ENTPD4: variants seen among roughly 807,000 people sequenced by gnomAD.
ENTPD4 encodes the protein Golgi UDPase.
Under a neutral mutation model 79.1 loss-of-function variants are expected in ENTPD4, and 60 were observed. That is an observed-to-expected ratio of 0.76 (90% confidence interval 0.62 to 0.94). The LOEUF (loss-of-function observed/expected upper bound fraction) is 0.94, where lower values mean the gene tolerates loss of function less well. ENTPD4 is among the 40% of genes least tolerant of loss of function. The pLI is 0.00. For missense variants in ENTPD4, 772 were observed against 775.1 expected (o/e 1.00, Z 0.05); for synonymous variants, 276 against 292.0 (o/e 0.95, Z 0.56).
In ENTPD4 at chr8:23,431,112, T is replaced by A; in HGVS notation, c.*1814A>T. 1 of 474,192 alleles carries A rather than the reference T, an allele frequency of 2.1e-6. No homozygotes were observed. Among genetic ancestry groups the A allele is most frequent in the Non-Finnish European group, 2.8e-6 (1 of 363,206 alleles). 29.4% of individuals were successfully genotyped at this position (474,192 alleles called of 1,614,324 possible). On this transcript the variant is annotated 3_prime_UTR_variant, in exon 13 of 13. Transcript: ENST00000358689. ...CAGGTTAAGCTGCACCTGAGGCAGTTTGAGCCACAACTGGGACAGAATTCC... is the reference window on the plus strand; with the variant it reads ...CAGGTTAAGCTGCACCTGAGGCAGTATGAGCCACAACTGGGACAGAATTCC...
rs1171111289 is a variant in ENTPD4 at position 23,444,608 on chromosome 8, TAG to T, written c.413-4_413-3del. On this transcript the variant is annotated splice_polypyrimidine_tract_variant and splice_region_variant and intron_variant, in intron 4 of 12. Transcript: ENST00000358689. ...GAGAGGTAGCAAATTCTGAAATGCC[TAG>T]AGAAACAGGATACTTTAGTTAAGAA... is the stretch of plus-strand genomic sequence containing the variant. The T allele has an allele frequency of 6.2e-7, 1 of 1,613,270 alleles. No individual in the cohort carries two copies. Among genetic ancestry groups the T allele is most frequent in the African/African-American group, 1.3e-5 (1 of 74,914 alleles).
At chr8:23,445,985 T>A (rs559247764) in intron 4 of ENTPD4, among the ~76,000 whole-genome samples, 15 of 152,308 alleles carry the variant, frequency 9.8e-5, no homozygotes, top group African/African-American at 3.1e-4. Flanking sequence ...ATCAAAGGAA[T>A]TAGCAAAAAA....
intron 10 of ENTPD4, among the ~76,000 whole-genome samples, chr8:23,436,509 A>G (rs1800563605): frequency 6.6e-6 from 1 of 152,152 alleles, no homozygotes; most frequent in African/African-American, 2.4e-5. Context: ...GGATGAGACC[A>G]TCCAAGAACC....
chr8:23,444,521 C>T lies in ENTPD4; in HGVS notation c.498G>A (p.Arg166=), dbSNP rs145344037. The change falls in exon 5 of 13, where the codon CGG becomes CGA. Residue 166 remains arginine (R), a synonymous_variant. Coordinates refer to ENST00000358689, the MANE Select transcript of ENTPD4 (RefSeq NM_004901.5). The part of the protein sequence containing the change: ...LLNFAAEHVP[R]AKHKETPLYI... Reference sequence around the variant, plus strand: ...AGAGAGGTGTCTCTTTGTGTTTTGCCCGTGGCACATGCTCTGCAGCAAAGT... The same window carrying T: ...AGAGAGGTGTCTCTTTGTGTTTTGCTCGTGGCACATGCTCTGCAGCAAAGT... 9.8e-4 allele frequency: 1,575 copies of T among 1,614,162 alleles called. 5 individuals carry two copies. The highest frequency in any genetic ancestry group is 8.1e-3 in the Middle Eastern group (49 of 6,062).
chr8:23,436,802 G>C (rs991789186), intron 10 of ENTPD4, 132 bp downstream of exon 10: 3 of 753,174 alleles, frequency 4.0e-6, no homozygotes, highest in Admixed American at 5.1e-5. Flanking sequence ...AAGGGAACAG[G>C]ATCCCAACAT....
intron 1 of ENTPD4, among the ~76,000 whole-genome samples, chr8:23,454,148 TAAC>T (rs1416693814): frequency 6.6e-6 from 1 of 152,170 alleles, no homozygotes; most frequent in Non-Finnish European, 1.5e-5. Context: ...TCAGAGGAAA[TAAC>T]AATTTTTAAC....
Position 23,433,223 on chromosome 8 carries a change from G to A in ENTPD4, c.1623-69C>T, listed in dbSNP as rs548755865. On this transcript the variant is annotated intron_variant, in intron 12 of 12. Coordinates refer to ENST00000358689, the MANE Select transcript of ENTPD4 (RefSeq NM_004901.5). ...GAAAGGGGTGGAAAGGGTGCACAGG[G>A]GGACGGCGGGACCCAGGCCCCAGAG... The A allele has an allele frequency of 3.8e-5, 51 of 1,337,314 alleles. No homozygotes were observed. The African/African-American group carries it at 4.5e-4, about 12-fold the overall frequency. The allele number at this position is 1,337,314 out of a possible 1,614,324, so 82.8% of individuals were successfully genotyped here.
chr8:23,447,757 C>A lies in ENTPD4; in HGVS notation c.335G>T (p.Gly112Val). Residue 112 changes from glycine to valine, a missense_variant, in exon 4 of 13, where the codon GGC (glycine) becomes GTC (valine). By Grantham distance (109) the Gly-to-Val change is moderately radical. Coordinates refer to ENST00000358689, the MANE Select transcript of ENTPD4 (RefSeq NM_004901.5). ...GATATCCAACAGATCATGTGGATTG[C>A]CATTATGCCTTGGCCAGCAGTAAAC... ...VFVYCWPRHN[G>V]NPHDLLDIRQ... is the part of the protein sequence containing the mutation. The A allele has an allele frequency of 6.2e-7, 1 of 1,614,140 alleles. No homozygotes were observed. Among genetic ancestry groups the A allele is most frequent in the Non-Finnish European group, 8.5e-7 (1 of 1,179,994 alleles).
At chr8:23,457,301 G>C (rs903170857) in intron 1 of ENTPD4, among the ~76,000 whole-genome samples, 2 of 143,110 alleles carry the variant, frequency 1.4e-5, no homozygotes, top group African/African-American at 5.8e-5. Context: ...ACCGCCAGGT[G>C]TCCCCTGCCA....
rs1335390244 is a variant in ENTPD4 at position 23,431,973 on chromosome 8, A to C, written c.*953T>G. 2 of 985,246 alleles carry C rather than the reference A, an allele frequency of 2.0e-6. No homozygotes were observed. Among genetic ancestry groups the C allele is most frequent in the East Asian group, 1.1e-4 (1 of 8,826 alleles). 61.0% of individuals were successfully genotyped at this position (985,246 alleles called of 1,614,324 possible). The stretch of plus-strand genomic sequence containing the variant: ...ATTCTGAAGTGTGTGTTTTTAAAGA[A>C]CCAGCATTGCCTCCCCTCACGCTGG... On this transcript the variant is annotated 3_prime_UTR_variant, in exon 13 of 13. Transcript: ENST00000358689.
At chr8:23,433,221 G>A in intron 12 of ENTPD4, 67 bp from the exon 13 acceptor site, 1 of 1,357,788 alleles carries the variant, frequency 7.4e-7, no homozygotes, top group Non-Finnish European at 1.0e-6. Context: ...AGGGTGCACA[G>A]GGGGACGGCG....
intron 4 of ENTPD4, among the ~76,000 whole-genome samples, chr8:23,446,995 T>C (rs1800773710): frequency 6.6e-6 from 1 of 152,194 alleles, no homozygotes; most frequent in African/African-American, 2.4e-5. Flanking sequence ...TTGAAATCAG[T>C]GATCAACTAT....
At chr8:23,446,910 A>T (rs1027378137) in intron 4 of ENTPD4, among the ~76,000 whole-genome samples, 3 of 152,184 alleles carry the variant, frequency 2.0e-5, no homozygotes, top group Admixed American at 6.5e-5. Flanking sequence ...TTTGCATTTG[A>T]TATTTTACTA....
chr8:23,436,988 A>G lies in ENTPD4; in HGVS notation c.1320T>C (p.Asp440=), dbSNP rs867667697. The change falls in exon 10 of 13, where the codon GAT becomes GAC. Residue 440 remains aspartate, a synonymous_variant. Coordinates refer to ENST00000358689, the MANE Select transcript of ENTPD4 (RefSeq NM_004901.5). ...TGTAGTCTCCCCCCATTCGTAACAC[A>G]TCCTCGGTGCAGTAGTAGAATTCGG... ...GFSEFYYCTE[D]VLRMGGDYNA... 33 of 1,613,206 alleles carry G rather than the reference A, an allele frequency of 2.0e-5. No homozygotes were observed. In the Middle Eastern group the frequency reaches 4.1e-3, roughly 202 times the overall value.
Position 23,434,335 on chromosome 8 carries a change from G to T in ENTPD4, c.1604C>A (p.Thr535Asn), listed in dbSNP as rs372675495. The T allele has an allele frequency of 1.2e-5, 19 of 1,614,130 alleles. No individual in the cohort carries two copies. Among genetic ancestry groups the T allele is most frequent in the Non-Finnish European group, 1.1e-5 (13 of 1,180,006 alleles). The change falls in exon 12 of 13, where the codon ACC becomes AAC. Residue 535 changes from threonine (T) to asparagine (N), a missense_variant. Transcript: ENST00000358689. ...QWTLGAILYR[T>N]RFLPLRDIQQ... is the part of the protein sequence containing the mutation. ...GCCCTACCTTAATGGTAGAAAGCGG[G>T]TCCTGTAGAGGATGGCTCCAAGGGT...
At chr8:23,438,246 T>C (rs1291614562) in intron 9 of ENTPD4, among the ~76,000 whole-genome samples, 1 of 152,202 alleles carries the variant, frequency 6.6e-6, no homozygotes, top group Non-Finnish European at 1.5e-5. Flanking sequence ...TGACAGGTGT[T>C]GAACTGTTAA....
At chr8:23,450,544 C>T (rs1219183491) in intron 1 of ENTPD4, among the ~76,000 whole-genome samples, 2 of 152,198 alleles carry the variant, frequency 1.3e-5, no homozygotes, top group East Asian at 1.9e-4. Flanking sequence ...AAAGGACAAG[C>T]GGTCTCTATC....
chr8:23,432,031 CTG>C lies in ENTPD4; in HGVS notation c.*893_*894del, dbSNP rs1430547231. The C allele has an allele frequency of 1.0e-6, 1 of 985,282 alleles. No individual in the cohort carries two copies. 61.0% of individuals were successfully genotyped at this position (985,282 alleles called of 1,614,324 possible). ...GGATTTTTCACACACTCGCACAAAG[CTG>C]TAGTCGATAGTTCACTATCACTTTT... On this transcript the variant is annotated 3_prime_UTR_variant, in exon 13 of 13. Transcript: ENST00000358689.
intron 10 of ENTPD4, 72 bp from the exon 11 acceptor site, chr8:23,435,549 CA>C: frequency 1.8e-6 from 2 of 1,085,548 alleles, no homozygotes; most frequent in Non-Finnish European, 2.8e-6. Context: ...AATGGTTTAC[CA>C]AATTTATATT....
Sources: gnomAD v4.1 joint callset for allele counts (sites outside exome capture counted in the v4.1 genomes callset) on GRCh38, gnomAD v4.1.1 for gene constraint, MANE v1.5 for transcripts, NCBI Gene and HGNC (gene_info 2026-07-23, HGNC 2026-07-21) for gene names.